Variants in ARHGAP31 observed in about 807,000 individuals in gnomAD.
The protein encoded by ARHGAP31 is Rho GTPase activating protein 31.
Under a neutral mutation model 113.9 loss-of-function variants are expected in ARHGAP31, and 34 were observed. That is an observed-to-expected ratio of 0.30 (90% CI 0.23 to 0.40). The LOEUF (loss-of-function observed/expected upper bound fraction) is 0.40, where lower values mean the gene tolerates loss of function less well. Ranked by LOEUF, ARHGAP31 falls within the 10% of genes least tolerant of loss-of-function variation. ARHGAP31 has a pLI of 1.00. For missense variants in ARHGAP31, 1,548 were observed against 1,767.1 expected, an observed-to-expected ratio of 0.88 and a Z score of 2.22; for synonymous variants, 650 against 684.8, an observed-to-expected ratio of 0.95 and a Z score of 0.79.
At position 119,387,345 on chromosome 3, in the gene ARHGAP31, A is replaced by G. The variant is rs367784148; in HGVS notation, c.683-3440A>G. On this transcript the variant is annotated intron_variant, in intron 6 of 11. Transcript: ENST00000264245. ...ATCTCTATATGGCCTGGTTTTTCCT[A>G]GGCTATGATTATAGAGCGAGGATTA... is the stretch of plus-strand genomic sequence containing the variant. 3.3e-5 allele frequency among the ~76,000 whole-genome samples: 5 copies of G among 152,252 alleles called. No individual in the cohort carries two copies. The East Asian group carries it at 5.8e-4, about 18-fold the overall frequency.
intron 1 of ARHGAP31, among the ~76,000 whole-genome samples, chr3:119,344,256 C>G (rs2107613891): frequency 6.6e-6 from 1 of 152,340 alleles, no homozygotes; most frequent in Admixed American, 6.5e-5. Flanking sequence ...TGTATTTTAT[C>G]TGTCAACTCT....
rs555511116 is a variant in ARHGAP31 at position 119,345,753 on chromosome 3, C to G, written c.101-19563C>G. ...AGCGGACCTGGACAGGGACCCCTTT[C>G]TCTTCCTGGCTCTGTCCCTCTTCCC... On this transcript the variant is annotated intron_variant, in intron 1 of 11. Transcript: ENST00000264245. 3.3e-5 allele frequency among the ~76,000 whole-genome samples: 5 copies of G among 152,336 alleles called. No homozygotes were observed. The East Asian group carries it at 7.7e-4, about 24-fold the overall frequency.
chr3:119,317,911 A>G (rs1297646718), intron 1 of ARHGAP31, among the ~76,000 whole-genome samples: 3 of 152,214 alleles, frequency 2.0e-5, no homozygotes, highest in African/African-American at 7.2e-5. Context: ...AGATATTGTG[A>G]GGACCAGTTG....
intron 8 of ARHGAP31, among the ~76,000 whole-genome samples, chr3:119,394,956 C>A (rs1284698729): frequency 6.6e-6 from 1 of 152,064 alleles, no homozygotes; most frequent in Non-Finnish European, 1.5e-5. Flanking sequence ...GATGAAGCAG[C>A]AAAATATTGA....
At chr3:119,405,642 G>T (rs1171843224) in intron 10 of ARHGAP31, among the ~76,000 whole-genome samples, 2 of 152,122 alleles carry the variant, frequency 1.3e-5, no homozygotes, top group Non-Finnish European at 2.9e-5. Context: ...GGGGGGTGGG[G>T]GAGGTTCTAG....
chr3:119,323,944 A>T (rs934782212), intron 1 of ARHGAP31, among the ~76,000 whole-genome samples: 1 of 152,154 alleles, frequency 6.6e-6, no homozygotes, highest in South Asian at 2.1e-4. Context: ...TGCTGGGAAT[A>T]AGAAGGTGGG....
intron 1 of ARHGAP31, among the ~76,000 whole-genome samples, chr3:119,325,667 A>C (rs908513922): frequency 2.8e-5 from 2 of 71,272 alleles, no homozygotes; most frequent in Admixed American, 1.5e-4. Flanking sequence ...TTGGGGGGGA[A>C]GGGGGGGACG....
At position 119,375,565 on chromosome 3, in the gene ARHGAP31, A is replaced by G. The variant is rs79271354; in HGVS notation, c.349-5339A>G. Among the ~76,000 whole-genome samples, 1,174 of 152,270 alleles carry G rather than the reference A, an allele frequency of 7.7e-3. 38 individuals carry two copies. In the East Asian group the frequency reaches 0.11, roughly 14 times the overall value. On this transcript the variant is annotated intron_variant, in intron 3 of 11. Transcript: ENST00000264245. ...AAATAAGGTAACACAGGTTCCAGTG[A>G]TTAGGATTTGATATCGTCGGGAGCA...
chr3:119,335,902 G>A (rs1208487458), intron 1 of ARHGAP31, among the ~76,000 whole-genome samples: 3 of 152,234 alleles, frequency 2.0e-5, no homozygotes, highest in African/African-American at 7.2e-5. Context: ...GCCAGGAGCG[G>A]TAGCTCAAGC....
intron 3 of ARHGAP31, 144 bp from the exon 4 acceptor site, chr3:119,380,760 C>T: frequency 1.4e-6 from 1 of 723,690 alleles, no homozygotes; most frequent in Non-Finnish European, 2.5e-6. Flanking sequence ...TAGTTGTTTT[C>T]ATAGTAAAGC....
At chr3:119,412,555 G>T (rs1303108400) in intron 11 of ARHGAP31, among the ~76,000 whole-genome samples, 1 of 152,204 alleles carries the variant, frequency 6.6e-6, no homozygotes, top group Non-Finnish European at 1.5e-5. Context: ...GACAAGGACA[G>T]CAAGCAAGGT....
intron 2 of ARHGAP31, among the ~76,000 whole-genome samples, chr3:119,367,482 T>C (rs1448034108): frequency 6.6e-6 from 1 of 152,120 alleles, no homozygotes; most frequent in Admixed American, 6.5e-5. Context: ...CACTATAGAT[T>C]GTTTAAGAAG....
At chr3:119,340,731 CA>C (rs2080000808) in intron 1 of ARHGAP31, among the ~76,000 whole-genome samples, 1 of 152,126 alleles carries the variant, frequency 6.6e-6, no homozygotes, top group Non-Finnish European at 1.5e-5. Flanking sequence ...ATACACAAGC[CA>C]AGGCTGCAGT....
At chr3:119,312,255 G>C (rs1417428001) in intron 1 of ARHGAP31, among the ~76,000 whole-genome samples, 3 of 152,212 alleles carry the variant, frequency 2.0e-5, no homozygotes, top group Non-Finnish European at 4.4e-5. Context: ...CAGGTGGAGA[G>C]AAAATGTACC....
Position 119,365,300 on chromosome 3 carries a change from C to G in ARHGAP31, c.101-16C>G, listed in dbSNP as rs772308862. The stretch of plus-strand genomic sequence containing the variant: ...ACATCTAATACTTAATTGTTTTTTT[C>G]TTTTCTTTTACATAGTTCCATACGT... On this transcript the variant is annotated splice_polypyrimidine_tract_variant and intron_variant, in intron 1 of 11. Coordinates refer to ENST00000264245, the MANE Select transcript of ARHGAP31 (RefSeq NM_020754.4). The G allele has an allele frequency of 9.3e-6, 15 of 1,605,472 alleles. No homozygotes were observed. In the Admixed American group the frequency reaches 2.5e-4, roughly 27 times the overall value.
chr3:119,414,026 T>G lies in ARHGAP31; in HGVS notation c.2097T>G (p.Pro699=). ...GGCCCTTTATTCCCTCAGAGCCTCCTGGGAGCTTGCCTTGTGGCTCCTTCC... is the reference window on the plus strand; with the variant it reads ...GGCCCTTTATTCCCTCAGAGCCTCCGGGGAGCTTGCCTTGTGGCTCCTTCC... The part of the protein sequence containing the change: ...SLGPFIPSEP[P]GSLPCGSFPA... Residue 699 remains proline, a synonymous_variant, in exon 12 of 12, where the codon CCT becomes CCG. Transcript: ENST00000264245. 1.9e-6 allele frequency: 3 copies of G among 1,614,170 alleles called. No homozygotes were observed. In the East Asian group the frequency reaches 6.7e-5, roughly 36 times the overall value.
At chr3:119,336,990 G>C (rs928897626) in intron 1 of ARHGAP31, among the ~76,000 whole-genome samples, 3 of 152,150 alleles carry the variant, frequency 2.0e-5, no homozygotes, top group Non-Finnish European at 4.4e-5. Context: ...TAGTACTTAA[G>C]TCCTTTTTAT....
chr3:119,305,197 C>A lies in ARHGAP31; in HGVS notation c.100+10193C>A, dbSNP rs905851796. Among the ~76,000 whole-genome samples the A allele has an allele frequency of 3.9e-5, 6 of 152,302 alleles. No individual in the cohort carries two copies. The South Asian group carries it at 1.2e-3, about 32-fold the overall frequency. ...ATGGCTTTGTCTGCTCTTGACCCAA[C>A]GAGACACAGCTATGCTAGCAGTAAA... On this transcript the variant is annotated intron_variant, in intron 1 of 11. Coordinates refer to ENST00000264245, the MANE Select transcript of ARHGAP31 (RefSeq NM_020754.4).
intron 1 of ARHGAP31, among the ~76,000 whole-genome samples, chr3:119,350,287 T>G (rs1486717796): frequency 2.6e-5 from 4 of 152,144 alleles, no homozygotes; most frequent in African/African-American, 7.2e-5. Context: ...AAACAATGGC[T>G]GCCTGTGGCT....
Sources: gnomAD v4.1 joint callset for allele counts (sites outside exome capture counted in the v4.1 genomes callset) on GRCh38, gnomAD v4.1.1 for gene constraint, MANE v1.5 for transcripts, NCBI Gene and HGNC (gene_info 2026-07-23, HGNC 2026-07-21) for gene names.